The following RSPO2 variants were observed in gnomAD, a reference collection of about 807,000 sequenced individuals.
The protein encoded by RSPO2 is R-spondin 2.
In RSPO2, 14 loss-of-function variants were observed where a neutral mutation model predicts 30.9. That is an observed-to-expected ratio of 0.45 (90% CI 0.30 to 0.71). The LOEUF (loss-of-function observed/expected upper bound fraction) is 0.71, where lower values mean the gene tolerates loss of function less well. Among genes scored for constraint, RSPO2 ranks in the 30% least tolerant of loss-of-function variants. The pLI is 0.08. For missense variants in RSPO2, 264 were observed against 301.9 expected (o/e 0.87, Z 0.93); for synonymous variants, 107 against 96.4 (o/e 1.11, Z -0.64).
chr8:108,067,694 A>G (rs971640686), intron 2 of RSPO2, among the ~76,000 whole-genome samples: 5 of 152,144 alleles, frequency 3.3e-5, no homozygotes, highest in Non-Finnish European at 5.9e-5. Flanking sequence ...AGTTTAAGAC[A>G]CTCTACCACC....
chr8:108,053,911 A>C (rs921831622), intron 2 of RSPO2, among the ~76,000 whole-genome samples: 15 of 152,184 alleles, frequency 9.9e-5, no homozygotes, highest in African/African-American at 3.4e-4. Context: ...CTACCAAAGA[A>C]AATTTAAAAT....
chr8:108,068,028 C>T (rs1812727208), intron 2 of RSPO2, among the ~76,000 whole-genome samples: 1 of 151,654 alleles, frequency 6.6e-6, no homozygotes, highest in Non-Finnish European at 1.5e-5. Flanking sequence ...GAGACCACGC[C>T]ATTGCACTGC....
chr8:108,025,827 C>T (rs1563568981), intron 2 of RSPO2, among the ~76,000 whole-genome samples: 1 of 152,138 alleles, frequency 6.6e-6, no homozygotes, highest in Non-Finnish European at 1.5e-5. Flanking sequence ...TGGCCAAAAA[C>T]TCTTCTTTGC....
chr8:108,065,581 T>G (rs1047698133), intron 2 of RSPO2, among the ~76,000 whole-genome samples: 1 of 150,430 alleles, frequency 6.6e-6, no homozygotes, highest in Non-Finnish European at 1.5e-5. Context: ...TTCAAAGCAA[T>G]GAGCTAAGTT....
chr8:108,011,231 A>G (rs1810701756), intron 2 of RSPO2, among the ~76,000 whole-genome samples: 1 of 150,280 alleles, frequency 6.7e-6, no homozygotes, highest in Non-Finnish European at 1.5e-5. Flanking sequence ...GGAAAAGGGA[A>G]AGGAAAAGGA....
intron 2 of RSPO2, among the ~76,000 whole-genome samples, chr8:107,990,056 T>C (rs535670727): frequency 1.4e-4 from 21 of 152,210 alleles, no homozygotes; most frequent in South Asian, 6.2e-4. Flanking sequence ...ATCTACAGAA[T>C]ATCTGAAGAG....
Position 108,062,225 on chromosome 8 carries a change from C to CA in RSPO2, c.94+20319dup, listed in dbSNP as rs533068025. On this transcript the variant is annotated intron_variant, in intron 2 of 5. Coordinates refer to ENST00000276659, the MANE Select transcript of RSPO2 (RefSeq NM_178565.5). The stretch of plus-strand genomic sequence containing the variant: ...GGAGATAGAGACATAAAAAACCCTT[C>CA]AAAAAAATCAATGAATCCAGGAACT... Among the ~76,000 whole-genome samples the CA allele has an allele frequency of 5.9e-3, 900 of 151,638 alleles. 7 individuals carry two copies. The highest frequency in any genetic ancestry group is 9.4e-3 in the Non-Finnish European group (636 of 67,952).
chr8:107,937,279 T>G (rs1317689480), intron 5 of RSPO2, among the ~76,000 whole-genome samples: 4 of 152,030 alleles, frequency 2.6e-5, no homozygotes, highest in African/African-American at 9.7e-5. Flanking sequence ...TTGTTAGCAC[T>G]TGTACTGAAA....
At chr8:108,027,627 C>T (rs1811266355) in intron 2 of RSPO2, among the ~76,000 whole-genome samples, 1 of 151,974 alleles carries the variant, frequency 6.6e-6, no homozygotes, top group South Asian at 2.1e-4. Flanking sequence ...CAACAGTATC[C>T]ATTAGAATGA....
intron 5 of RSPO2, among the ~76,000 whole-genome samples, chr8:107,957,111 C>G (rs1263594001): frequency 1.3e-5 from 2 of 152,144 alleles, no homozygotes; most frequent in African/African-American, 2.4e-5. Flanking sequence ...CATAGACATT[C>G]TCTATGAGGC....
At chr8:107,911,219 C>A (rs555253758) in intron 5 of RSPO2, among the ~76,000 whole-genome samples, 1 of 152,310 alleles carries the variant, frequency 6.6e-6, no homozygotes, top group East Asian at 1.9e-4. Flanking sequence ...TTATAATAGC[C>A]TCTGTCCTCT....
At chr8:108,002,516 G>C (rs1815284979) in intron 2 of RSPO2, among the ~76,000 whole-genome samples, 2 of 152,122 alleles carry the variant, frequency 1.3e-5, no homozygotes, top group Admixed American at 1.3e-4. Context: ...TTAAAAAGAG[G>C]GGTAGGATGG....
intron 2 of RSPO2, among the ~76,000 whole-genome samples, chr8:108,072,277 G>A (rs994922526): frequency 2.0e-5 from 3 of 147,422 alleles, no homozygotes; most frequent in African/African-American, 5.0e-5. Flanking sequence ...AGAGGCATGA[G>A]AACATAGCAT....
chr8:108,079,009 C>G (rs1411069105), intron 2 of RSPO2, among the ~76,000 whole-genome samples: 1 of 152,148 alleles, frequency 6.6e-6, no homozygotes. Context: ...GTAATCCAGT[C>G]TGAAATGTGG....
chr8:108,082,648 C>T lies in RSPO2; in HGVS notation c.-10G>A. On this transcript the variant is annotated 5_prime_UTR_variant, in exon 2 of 6. Transcript: ENST00000276659. ...AAAGGCGAAACTGCATCTGGGCGGTCGGGCGGGGGAGAGACGCCTCTCAAA... is the reference window on the plus strand; with the variant it reads ...AAAGGCGAAACTGCATCTGGGCGGTTGGGCGGGGGAGAGACGCCTCTCAAA... The T allele has an allele frequency of 6.2e-7, 1 of 1,611,278 alleles. No individual in the cohort carries two copies. The highest frequency in any genetic ancestry group is 8.5e-7 in the Non-Finnish European group (1 of 1,177,728).
intron 2 of RSPO2, among the ~76,000 whole-genome samples, chr8:108,033,665 A>T (rs972484634): frequency 2.6e-5 from 4 of 152,240 alleles, no homozygotes; most frequent in African/African-American, 9.6e-5. Context: ...TTGTGATGAC[A>T]AGAGAACTGA....
chr8:107,918,946 G>A (rs1283312590), intron 5 of RSPO2, among the ~76,000 whole-genome samples: 1 of 151,936 alleles, frequency 6.6e-6, no homozygotes, highest in Non-Finnish European at 1.5e-5. Context: ...AATTCTTTGT[G>A]GGCTACAAGT....
chr8:108,057,519 T>A (rs970556779), intron 2 of RSPO2, among the ~76,000 whole-genome samples: 37 of 152,334 alleles, frequency 2.4e-4, no homozygotes, highest in African/African-American at 8.9e-4. Context: ...CTTTACTACC[T>A]GCTTCCAAGA....
intron 3 of RSPO2, chr8:107,983,089 C>T: frequency 1.5e-6 from 2 of 1,364,686 alleles, no homozygotes; most frequent in Non-Finnish European, 2.0e-6. Context: ...TACTCCCCTT[C>T]CTAAGGCCGC....
Sources: allele counts gnomAD v4.1 joint callset (sites outside exome capture counted in the v4.1 genomes callset), GRCh38; gene constraint gnomAD v4.1.1; transcripts MANE v1.5; gene names NCBI Gene and HGNC (gene_info 2026-07-23, HGNC 2026-07-21).